The following MARK4 variants were observed in gnomAD, a reference collection of about 807,000 sequenced individuals.
The protein encoded by MARK4 is MAP/microtubule affinity-regulating kinase 4.
Under a neutral mutation model 81.5 loss-of-function variants are expected in MARK4, and 19 were observed. The observed-to-expected ratio is 0.23, with a 90% confidence interval of 0.16 to 0.34. The LOEUF (loss-of-function observed/expected upper bound fraction) is 0.34. Ranked by LOEUF, MARK4 falls within the 10% of genes least tolerant of loss-of-function variation. The pLI, the probability that MARK4 is intolerant of heterozygous loss-of-function variation, is 1.00. For missense variants in MARK4, 772 were observed against 1,058.8 expected (o/e 0.73, Z 3.76); for synonymous variants, 436 against 439.0 (o/e 0.99, Z 0.08).
intron 8 of MARK4, among the ~76,000 whole-genome samples, chr19:45,272,515 G>A (rs1970542194): frequency 6.6e-6 from 1 of 151,826 alleles, no homozygotes; most frequent in African/African-American, 2.4e-5. Context: ...GGTTGCCTGA[G>A]GCTGGGGGGG....
At position 45,251,562 on chromosome 19, in the gene MARK4, G is replaced by GCCC; in HGVS notation, c.-25_-23dup. 4 of 436,944 alleles carry GCCC rather than the reference G, an allele frequency of 9.2e-6. No individual in the cohort carries two copies. The highest frequency in any genetic ancestry group is 1.2e-5 in the Non-Finnish European group (4 of 329,536). The allele number at this position is 436,944 out of a possible 1,614,324, so 27.1% of individuals were successfully genotyped here. The stretch of plus-strand genomic sequence containing the variant: ...GGACCCCCGCCCCCCCCACCCGGCC[G>GCCC]CCCCTGCCCCCCGGGACCCGGAGAA... On this transcript the variant is annotated 5_prime_UTR_variant, in exon 1 of 17. Coordinates refer to ENST00000262891, the MANE Select transcript of MARK4 (RefSeq NM_001199867.2).
chr19:45,270,190 C>T (rs1278163504), intron 7 of MARK4, among the ~76,000 whole-genome samples: 1 of 152,112 alleles, frequency 6.6e-6, no homozygotes, highest in Non-Finnish European at 1.5e-5. Flanking sequence ...TACGCTTAAA[C>T]CCACAACCAC....
At chr19:45,301,323 G>A (rs1354381403) in intron 16 of MARK4, among the ~76,000 whole-genome samples, 1 of 152,104 alleles carries the variant, frequency 6.6e-6, no homozygotes, top group Non-Finnish European at 1.5e-5. Context: ...CAGCACTTTG[G>A]GAGGCCAAGG....
rs1210551803 is a variant in MARK4 at position 45,294,391 on chromosome 19, G to A, written c.1537G>A (p.Val513Ile). 1.3e-5 allele frequency: 21 copies of A among 1,613,990 alleles called. No homozygotes were observed. Among genetic ancestry groups the A allele is most frequent in the African/African-American group, 2.7e-5 (2 of 74,876 alleles). ...PSMMTRRNTYVCTERPGAERP... is the reference protein window; with the variant it reads ...PSMMTRRNTYICTERPGAERP... ...CATGATGACCCGCAGAAACACCTACGTTTGCACAGAACGCCCGGGGGCTGA... is the reference window on the plus strand; with the variant it reads ...CATGATGACCCGCAGAAACACCTACATTTGCACAGAACGCCCGGGGGCTGA... The change falls in exon 14 of 17, where the codon GTT (valine) becomes ATT (isoleucine). Residue 513 changes from valine to isoleucine, a missense_variant. Val to Ile is a conservative substitution (Grantham distance 29, BLOSUM62 3). Coordinates refer to ENST00000262891, the MANE Select transcript of MARK4 (RefSeq NM_001199867.2).
rs554530394 is a variant in MARK4 at position 45,298,562 on chromosome 19, G to A, written c.1877+608G>A. Among the ~76,000 whole-genome samples the A allele has an allele frequency of 5.9e-5, 9 of 152,294 alleles. No individual in the cohort carries two copies. The East Asian group carries it at 1.2e-3, about 20-fold the overall frequency. On this transcript the variant is annotated intron_variant, in intron 15 of 16. Transcript: ENST00000262891. ...AGCGTAGAACATTGCCTTGGAAAGTGCTTTACATGTGTATTAGTTATTAAT... is the reference window on the plus strand; with the variant it reads ...AGCGTAGAACATTGCCTTGGAAAGTACTTTACATGTGTATTAGTTATTAAT...
intron 10 of MARK4, among the ~76,000 whole-genome samples, chr19:45,279,916 C>T (rs1970649772): frequency 6.6e-6 from 1 of 152,058 alleles, no homozygotes. Flanking sequence ...TATCCGCCTG[C>T]CTTAGGGTTG....
intron 12 of MARK4, among the ~76,000 whole-genome samples, chr19:45,281,174 T>C (rs149348540): frequency 0.014 from 2,098 of 151,776 alleles, 46 homozygotes; most frequent in African/African-American, 0.049. Flanking sequence ...TGCCTTAGGC[T>C]CCCGAGTAGC....
intron 2 of MARK4, among the ~76,000 whole-genome samples, chr19:45,260,910 G>A (rs1970372688): frequency 6.6e-6 from 1 of 152,040 alleles, no homozygotes; most frequent in African/African-American, 2.4e-5. Flanking sequence ...TGCTGAGTAT[G>A]GTGACATTAT....
intron 1 of MARK4, among the ~76,000 whole-genome samples, chr19:45,257,062 T>G (rs1281145487): frequency 6.6e-6 from 1 of 152,002 alleles, no homozygotes; most frequent in Non-Finnish European, 1.5e-5. Flanking sequence ...TCAAGCGATC[T>G]TCCCATCTCA....
At chr19:45,284,354 G>A (rs995261255) in intron 12 of MARK4, among the ~76,000 whole-genome samples, 2 of 146,410 alleles carry the variant, frequency 1.4e-5, no homozygotes, top group Non-Finnish European at 3.0e-5. Flanking sequence ...GCAAAGTCTC[G>A]CTCCGTTGCC....
chr19:45,301,902 CTCAT>C (rs1970980439), intron 16 of MARK4, among the ~76,000 whole-genome samples: 1 of 151,794 alleles, frequency 6.6e-6, no homozygotes, highest in East Asian at 1.9e-4. Context: ...AAAGAAATTT[CTCAT>C]TCAAACATTC....
In MARK4 at chr19:45,294,374, C is replaced by T; in HGVS notation, c.1520C>T (p.Thr507Ile). ...TPNNLPPSMM[T>I]RRNTYVCTER... ...AACAACCTCCCTCCTAGCATGATGACCCGCAGAAACACCTACGTTTGCACA... is the reference window on the plus strand; with the variant it reads ...AACAACCTCCCTCCTAGCATGATGATCCGCAGAAACACCTACGTTTGCACA... Residue 507 changes from threonine to isoleucine, a missense_variant, in exon 14 of 17, where the codon ACC (threonine) becomes ATC (isoleucine). Thr to Ile is a moderately conservative substitution (Grantham distance 89). Coordinates refer to ENST00000262891, the MANE Select transcript of MARK4 (RefSeq NM_001199867.2). The T allele has an allele frequency of 6.2e-7, 1 of 1,614,158 alleles. No homozygotes were observed. The highest frequency in any genetic ancestry group is 8.5e-7 in the Non-Finnish European group (1 of 1,180,026).
chr19:45,264,815 A>AC, intron 5 of MARK4, 25 bp from the exon 6 acceptor site: 1 of 1,613,698 alleles, frequency 6.2e-7, no homozygotes, highest in Non-Finnish European at 8.5e-7. Context: ...CCTGACCCTG[A>AC]CCCCGCTCGG....
At chr19:45,286,491 C>A (rs1970744600) in intron 12 of MARK4, among the ~76,000 whole-genome samples, 1 of 151,720 alleles carries the variant, frequency 6.6e-6, no homozygotes, top group African/African-American at 2.4e-5. Flanking sequence ...GGGAGGATCG[C>A]TGGAGTCCAG....
At position 45,271,021 on chromosome 19, in the gene MARK4, C is replaced by T. The variant is rs886643972; in HGVS notation, c.550-451C>T. 1.6e-4 allele frequency among the ~76,000 whole-genome samples: 24 copies of T among 152,186 alleles called. No homozygotes were observed. The highest frequency in any genetic ancestry group is 3.1e-4 in the African/African-American group (13 of 41,450). ...CCAACCTCAGGTGATCTGCCCACCT[C>T]GGCTTCCCAAAGTTCTGCGATTACA... On this transcript the variant is annotated intron_variant, in intron 7 of 16. Transcript: ENST00000262891. This position sits in a 1 kb window ranked among gnomAD's most constrained non-coding sequence, Gnocchi z 4.1.
intron 1 of MARK4, among the ~76,000 whole-genome samples, chr19:45,252,918 C>G (rs1970262730): frequency 6.6e-6 from 1 of 152,010 alleles, no homozygotes; most frequent in Non-Finnish European, 1.5e-5. Flanking sequence ...TAGGAGCTTC[C>G]CCAAGACCCA....
chr19:45,268,915 T>C (rs1970490055), intron 7 of MARK4, among the ~76,000 whole-genome samples: 1 of 152,172 alleles, frequency 6.6e-6, no homozygotes, highest in African/African-American at 2.4e-5. Flanking sequence ...GGCAGCACCT[T>C]AGAGGCTTCC....
In MARK4 at chr19:45,263,339, C is replaced by T; in HGVS notation, c.327C>T (p.Ile109=). Residue 109 remains isoleucine, a synonymous_variant, in exon 4 of 17, where the codon ATC becomes ATT. Transcript: ENST00000262891. Reference sequence around the variant, plus strand: ...CCCAGCTGTTCCGAGAAGTCCGCATCATGAAGGGCCTAAACCACCCCAACA... The same window carrying T: ...CCCAGCTGTTCCGAGAAGTCCGCATTATGAAGGGCCTAAACCACCCCAACA... The part of the protein sequence containing the change: ...SLQKLFREVR[I]MKGLNHPNIV... 6.2e-7 allele frequency: 1 copy of T among 1,614,204 alleles called. No individual in the cohort carries two copies. Among genetic ancestry groups the T allele is most frequent in the Non-Finnish European group, 8.5e-7 (1 of 1,180,028 alleles).
rs1193831032 is a variant in MARK4 at position 45,270,823 on chromosome 19, T to G, written c.550-649T>G. 3.3e-5 allele frequency among the ~76,000 whole-genome samples: 5 copies of G among 152,166 alleles called. No homozygotes were observed. In the East Asian group the frequency reaches 9.6e-4, roughly 29 times the overall value. Reference sequence around the variant, plus strand: ...TTCGCTCTTGTTGCCCAGGCTGGAGTGCAATGGCATGATCTCGGCTCACCG... The same window carrying G: ...TTCGCTCTTGTTGCCCAGGCTGGAGGGCAATGGCATGATCTCGGCTCACCG... On this transcript the variant is annotated intron_variant, in intron 7 of 16. Transcript: ENST00000262891.
Sources: gnomAD v4.1 joint callset for allele counts (sites outside exome capture counted in the v4.1 genomes callset) on GRCh38, gnomAD v4.1.1 for gene constraint, Gnocchi (gnomAD v3.1) non-coding constraint, MANE v1.5 for transcripts, NCBI Gene and HGNC (gene_info 2026-07-23, HGNC 2026-07-21) for gene names.